SRRM5: variants seen among roughly 807,000 people sequenced by gnomAD.
SRRM5 encodes the protein serine/arginine repetitive matrix 5.
SRRM5 carries 1 observed loss-of-function variant against 1.3 expected under a neutral mutation model. The observed-to-expected ratio is 0.76, with a 90% CI of 0.27 to 3.59. The LOEUF (loss-of-function observed/expected upper bound fraction) is 3.59, where lower values mean the gene tolerates loss of function less well. SRRM5 is among the 30% of genes most tolerant of loss of function. The pLI is 0.19. For synonymous variants in SRRM5, 275 were observed against 320.2 expected (o/e 0.86, Z 1.51); for missense variants, 875 against 914.5 (o/e 0.96, Z 0.56).
At position 43,612,326 on chromosome 19, in the gene SRRM5, A is replaced by G. The variant is rs956365405; in HGVS notation, c.205A>G (p.Ser69Gly). The G allele has an allele frequency of 3.2e-6, 5 of 1,551,574 alleles. No homozygotes were observed. In the Admixed American group the frequency reaches 5.9e-5, roughly 18 times the overall value. ...CAGTTCCAAGTCCACCAAATCGACC[A>G]GTACAAAAAGAGCCCCTTCTAACCG... ...PSSSKSTKST[S>G]TKRAPSNRPS... The change falls in exon 1 of 1, where the codon AGT becomes GGT. Residue 69 changes from serine (S) to glycine (G), a missense_variant. Physicochemically the swap from Ser to Gly is moderately conservative, Grantham distance 56. Transcript: ENST00000417606. The surrounding 1 kb of genome is among the most constrained non-coding windows in gnomAD (Gnocchi z 4.2).
rs569787633 is a variant in SRRM5 at position 43,612,115 on chromosome 19, G to A, written c.-7G>A. On this transcript the variant is annotated 5_prime_UTR_variant, in exon 1 of 1. Transcript: ENST00000417606. This position sits in a 1 kb window ranked among gnomAD's most constrained non-coding sequence, Gnocchi z 4.2. ...CTTCCAGGACCACAAGCCCTTTTGC[G>A]CCCACCATGTCTTCACCTAAGAGAT... 9.2e-5 allele frequency: 142 copies of A among 1,548,866 alleles called. No homozygotes were observed. Among genetic ancestry groups the A allele is most frequent in the Non-Finnish European group, 1.2e-4 (135 of 1,144,852 alleles).
chr19:43,612,697 C>T lies in SRRM5; in HGVS notation c.576C>T (p.Ser192=), dbSNP rs1300959020. 12 of 1,551,430 alleles carry T rather than the reference C, an allele frequency of 7.7e-6. No individual in the cohort carries two copies. The highest frequency in any genetic ancestry group is 1.0e-5 in the Non-Finnish European group (12 of 1,146,992). ...ERSDSQPRNL[S]KKSYRPPGGS... Reference sequence around the variant, plus strand: ...GTGACAGCCAGCCTAGAAATCTGAGCAAGAAGAGTTACCGCCCACCAGGAG... The same window carrying T: ...GTGACAGCCAGCCTAGAAATCTGAGTAAGAAGAGTTACCGCCCACCAGGAG... The change falls in exon 1 of 1, where the codon AGC becomes AGT. Residue 192 remains serine, a synonymous_variant. Transcript: ENST00000417606. This position sits in a 1 kb window ranked among gnomAD's most constrained non-coding sequence, Gnocchi z 4.2.
Position 43,613,237 on chromosome 19 carries a change from CAA to C in SRRM5, c.1118_1119del (p.Lys373ArgfsTer8). On this transcript the variant is annotated frameshift_variant, in exon 3 of 3. Coordinates refer to the SRRM5 transcript ENST00000607544. LOFTEE classifies it low-confidence loss of function (END_TRUNC). ...GTCATAGCCATTCCAGAAGCTCCAGCAAAGAGAGAGATCACAGGGGATCTAGC... is the reference window on the plus strand; with the variant it reads ...GTCATAGCCATTCCAGAAGCTCCAGCAGAGAGAGATCACAGGGGATCTAGC... The C allele has an allele frequency of 6.4e-7, 1 of 1,551,628 alleles. No individual in the cohort carries two copies. The highest frequency in any genetic ancestry group is 1.2e-5 in the South Asian group (1 of 84,064).
In SRRM5 at chr19:43,612,276, C is replaced by G. The variant is rs552275462; in HGVS notation, c.155C>G (p.Ser52Cys). The G allele has an allele frequency of 8.4e-6, 13 of 1,551,716 alleles. No homozygotes were observed. The East Asian group carries it at 2.4e-4, about 29-fold the overall frequency. ...TTAGTGCCCACCAAACCAGCGACAT[C>G]CCGTAACTCAGTCATGAGCCCAAGC... ...RSLVPTKPAT[S>C]RNSVMSPSSS... The change falls in exon 1 of 1, where the codon TCC (serine) becomes TGC (cysteine). Residue 52 changes from serine to cysteine, a missense_variant. Transcript: ENST00000417606. This position sits in a 1 kb window ranked among gnomAD's most constrained non-coding sequence, Gnocchi z 4.2.
In SRRM5 at chr19:43,613,066, A is replaced by C; in HGVS notation, c.945A>C (p.Arg315Ser). Reference sequence around the variant, plus strand: ...GGAAGAGAAACCATAGCAGGGCAAGAAGTCGCACCCGGAAGGGAATTCTGA... The same window carrying C: ...GGAAGAGAAACCATAGCAGGGCAAGCAGTCGCACCCGGAAGGGAATTCTGA... Reference protein sequence around the residue: ...HSWKRNHSRARSRTRKGILSQ... With the variant: ...HSWKRNHSRASSRTRKGILSQ... Residue 315 changes from arginine (R) to serine (S), a missense_variant, in exon 1 of 1, where the codon AGA becomes AGC. By Grantham distance (110) the Arg-to-Ser change is moderately radical. Transcript: ENST00000417606. The C allele has an allele frequency of 1.3e-6, 2 of 1,551,622 alleles. No homozygotes were observed. The highest frequency in any genetic ancestry group is 1.7e-6 in the Non-Finnish European group (2 of 1,146,976).
In SRRM5 at chr19:43,613,548, C is replaced by G. The variant is rs1391238425; in HGVS notation, c.1427C>G (p.Ser476Cys). Reference protein sequence around the residue: ...SPNKARDRSRSRSPSKERDHS... With the variant: ...SPNKARDRSRCRSPSKERDHS... Reference sequence around the variant, plus strand: ...AACAAGGCGAGAGATCGCAGCCGATCTAGAAGCCCCAGCAAGGAAAGAGAT... The same window carrying G: ...AACAAGGCGAGAGATCGCAGCCGATGTAGAAGCCCCAGCAAGGAAAGAGAT... The change falls in exon 1 of 1, where the codon TCT (serine) becomes TGT (cysteine). Residue 476 changes from serine to cysteine, a missense_variant. Physicochemically the swap from Ser to Cys is moderately radical, Grantham distance 112 (BLOSUM62 -1). Transcript: ENST00000417606. 21 of 1,551,410 alleles carry G rather than the reference C, an allele frequency of 1.4e-5. No individual in the cohort carries two copies. The highest frequency in any genetic ancestry group is 1.8e-5 in the Non-Finnish European group (21 of 1,146,938).
chr19:43,612,924 G>T lies in SRRM5; in HGVS notation c.803G>T (p.Ser268Ile). 1 of 1,551,726 alleles carries T rather than the reference G, an allele frequency of 6.4e-7. No homozygotes were observed. The highest frequency in any genetic ancestry group is 1.7e-4 in the Middle Eastern group (1 of 5,992). Residue 268 changes from serine to isoleucine, a missense_variant, in exon 1 of 1, where the codon AGT becomes ATT. By Grantham distance (142) the Ser-to-Ile change is moderately radical (BLOSUM62 -2). Coordinates refer to ENST00000417606, the MANE Select transcript of SRRM5 (RefSeq NM_001145641.2). The surrounding 1 kb of genome is among the most constrained non-coding windows in gnomAD (Gnocchi z 4.2). ...SPTEMSSRVKSYNQASTRSRP... is the reference protein window; with the variant it reads ...SPTEMSSRVKIYNQASTRSRP... ...ACTGAAATGTCCAGCAGGGTCAAGA[G>T]TTATAACCAGGCCAGCACCCGCAGC...
At position 43,613,889 on chromosome 19, in the gene SRRM5, G is replaced by A. The variant is rs373124927; in HGVS notation, c.1768G>A (p.Glu590Lys). The A allele has an allele frequency of 1.7e-5, 27 of 1,551,656 alleles. 1 individual carries two copies. In the African/African-American group the frequency reaches 2.9e-4, roughly 17 times the overall value. The change falls in exon 1 of 1, where the codon GAG (glutamate) becomes AAG (lysine). Residue 590 changes from glutamate (E) to lysine (K), a missense_variant. Coordinates refer to ENST00000417606, the MANE Select transcript of SRRM5 (RefSeq NM_001145641.2). ...CAGACAATCTAGAAGCTCCAGCGAG[G>A]AGAGAGATCACAGCCGATCTAGAAG... is the stretch of plus-strand genomic sequence containing the variant. ...ERRQSRSSSE[E>K]RDHSRSRSPN...
chr19:43,613,704 G>T lies in SRRM5; in HGVS notation c.1583G>T (p.Ser528Ile), dbSNP rs1973336185. ...ERDHRRSRSP[S>I]KERQRRQSRS... ...GATCACAGACGATCTAGAAGCCCCA[G>T]CAAGGAGAGACAGCGCAGACAATCT... is the stretch of plus-strand genomic sequence containing the variant. Residue 528 changes from serine to isoleucine, a missense_variant, in exon 1 of 1, where the codon AGC becomes ATC. Physicochemically the swap from Ser to Ile is moderately radical, Grantham distance 142 (BLOSUM62 -2). Coordinates refer to ENST00000417606, the MANE Select transcript of SRRM5 (RefSeq NM_001145641.2). 5 of 1,549,442 alleles carry T rather than the reference G, an allele frequency of 3.2e-6. No individual in the cohort carries two copies. Among genetic ancestry groups the T allele is most frequent in the South Asian group, 1.2e-5 (1 of 83,928 alleles).
chr19:43,613,005 A>G lies in SRRM5; in HGVS notation c.884A>G (p.Gln295Arg), dbSNP rs747852465. Residue 295 changes from glutamine (Q) to arginine (R), a missense_variant, in exon 1 of 1, where the codon CAG (glutamine) becomes CGG (arginine). Gln to Arg is a conservative substitution (Grantham distance 43). Coordinates refer to ENST00000417606, the MANE Select transcript of SRRM5 (RefSeq NM_001145641.2). ...RSPRRSRSGS[Q>R]KRTHSRVRSH... ...CCCAGAAGGTCAAGAAGTGGCAGTC[A>G]GAAGAGGACGCACAGCAGAGTGAGA... is the stretch of plus-strand genomic sequence containing the variant. 6.4e-7 allele frequency: 1 copy of G among 1,551,604 alleles called. No individual in the cohort carries two copies. Among genetic ancestry groups the G allele is most frequent in the Admixed American group, 2.0e-5 (1 of 50,984 alleles).
In SRRM5 at chr19:43,613,562, A is replaced by G. The variant is rs1324977771; in HGVS notation, c.1441A>G (p.Lys481Glu). The G allele has an allele frequency of 3.9e-6, 6 of 1,551,412 alleles. No homozygotes were observed. Among genetic ancestry groups the G allele is most frequent in the East Asian group, 4.9e-5 (2 of 40,896 alleles). ...TCGCAGCCGATCTAGAAGCCCCAGC[A>G]AGGAAAGAGATCACAGCCAACTTGG... ...RDRSRSRSPS[K>E]ERDHSQLGSP... The change falls in exon 1 of 1, where the codon AAG becomes GAG. Residue 481 changes from lysine to glutamate, a missense_variant. By Grantham distance (56) the Lys-to-Glu change is moderately conservative. Coordinates refer to ENST00000417606, the MANE Select transcript of SRRM5 (RefSeq NM_001145641.2).
Position 43,612,483 on chromosome 19 carries a change from G to A in SRRM5, c.362G>A (p.Gly121Asp), listed in dbSNP as rs1191664956. Reference protein sequence around the residue: ...CHQRRGTHSRGRTPGRRGSRS... With the variant: ...CHQRRGTHSRDRTPGRRGSRS... ...CAGCGGAGGGGCACACACAGCCGGG[G>A]TAGGACACCTGGCAGAAGGGGAAGC... The change falls in exon 1 of 1, where the codon GGT (glycine) becomes GAT (aspartate). Residue 121 changes from glycine to aspartate, a missense_variant. Coordinates refer to ENST00000417606, the MANE Select transcript of SRRM5 (RefSeq NM_001145641.2). The surrounding 1 kb of genome is among the most constrained non-coding windows in gnomAD (Gnocchi z 4.2). 1 of 1,551,322 alleles carries A rather than the reference G, an allele frequency of 6.4e-7. No homozygotes were observed. Among genetic ancestry groups the A allele is most frequent in the East Asian group, 2.4e-5 (1 of 40,902 alleles).
rs755082131 is a variant in SRRM5, at chr19:43,612,410, G to A, written c.289G>A (p.Asp97Asn). 3.9e-5 allele frequency: 61 copies of A among 1,551,092 alleles called. No homozygotes were observed. The East Asian group carries it at 4.4e-4, about 11-fold the overall frequency. Residue 97 changes from aspartate to asparagine, a missense_variant, in exon 1 of 1, where the codon GAC becomes AAC. Asp to Asn is a conservative substitution (Grantham distance 23). Transcript: ENST00000417606. This position sits in a 1 kb window ranked among gnomAD's most constrained non-coding sequence, Gnocchi z 4.2. ...AAGAACACCCAGCAGGGTGAGCACC[G>A]ACACCAGGACCAGCAAAGCCAGCAA... ...KARTPSRVST[D>N]TRTSKASKAS...
exon 1 of SRRM5, chr19:43,614,495 CCCA>C (rs1435116665): frequency 2.1e-6 from 3 of 1,400,596 alleles, no homozygotes; most frequent in Non-Finnish European, 2.8e-6. Context: ...AGCACCCATC[CCCA>C]CCAAGCCCAA....
At position 43,613,895 on chromosome 19, in the gene SRRM5, G is replaced by T. The variant is rs1324599553; in HGVS notation, c.1774G>T (p.Asp592Tyr). The T allele has an allele frequency of 6.4e-7, 1 of 1,551,532 alleles. No individual in the cohort carries two copies. The highest frequency in any genetic ancestry group is 1.4e-5 in the African/African-American group (1 of 73,014). The change falls in exon 1 of 1, where the codon GAT becomes TAT. Residue 592 changes from aspartate (D) to tyrosine (Y), a missense_variant. Coordinates refer to ENST00000417606, the MANE Select transcript of SRRM5 (RefSeq NM_001145641.2). ...RQSRSSSEER[D>Y]HSRSRSPNKQ... ...ATCTAGAAGCTCCAGCGAGGAGAGA[G>T]ATCACAGCCGATCTAGAAGCCCCAA...
In SRRM5 at chr19:43,613,563, A is replaced by C; in HGVS notation, c.1442A>C (p.Lys481Thr). ...RDRSRSRSPS[K>T]ERDHSQLGSP... is the part of the protein sequence containing the mutation. Reference sequence around the variant, plus strand: ...CGCAGCCGATCTAGAAGCCCCAGCAAGGAAAGAGATCACAGCCAACTTGGA... The same window carrying C: ...CGCAGCCGATCTAGAAGCCCCAGCACGGAAAGAGATCACAGCCAACTTGGA... The change falls in exon 1 of 1, where the codon AAG becomes ACG. Residue 481 changes from lysine (K) to threonine (T), a missense_variant. Transcript: ENST00000417606. 1.9e-6 allele frequency: 3 copies of C among 1,551,652 alleles called. No homozygotes were observed. Among genetic ancestry groups the C allele is most frequent in the Non-Finnish European group, 2.6e-6 (3 of 1,146,930 alleles).
Position 43,612,474 on chromosome 19 carries a change from A to G in SRRM5, c.353A>G (p.His118Arg). The G allele has an allele frequency of 6.5e-7, 1 of 1,545,822 alleles. No homozygotes were observed. Among genetic ancestry groups the G allele is most frequent in the Non-Finnish European group, 8.8e-7 (1 of 1,142,424 alleles). ...DVRCHQRRGT[H>R]SRGRTPGRRG... ...AGATGCCACCAGCGGAGGGGCACAC[A>G]CAGCCGGGGTAGGACACCTGGCAGA... The change falls in exon 1 of 1, where the codon CAC (histidine) becomes CGC (arginine). Residue 118 changes from histidine to arginine, a missense_variant. Coordinates refer to ENST00000417606, the MANE Select transcript of SRRM5 (RefSeq NM_001145641.2). The surrounding 1 kb of genome is among the most constrained non-coding windows in gnomAD (Gnocchi z 4.2).
rs367638460 is a variant in SRRM5 at position 43,613,740 on chromosome 19, A to G, written c.1619A>G (p.Asn540Ser). 1.9e-6 allele frequency: 3 copies of G among 1,541,812 alleles called. No homozygotes were observed. The highest frequency in any genetic ancestry group is 2.9e-5 in the African/African-American group (2 of 69,562). ...ERQRRQSRSP[N>S]KERDRSQSRS... ...CAGCGCAGACAATCTAGAAGCCCCA[A>G]CAAGGAGAGAGATCGCAGCCAATCT... The change falls in exon 1 of 1, where the codon AAC becomes AGC. Residue 540 changes from asparagine to serine, a missense_variant. Coordinates refer to ENST00000417606, the MANE Select transcript of SRRM5 (RefSeq NM_001145641.2).
In SRRM5 at chr19:43,613,135, G is replaced by C; in HGVS notation, c.1014G>C (p.Gly338=). 1 of 1,551,666 alleles carries C rather than the reference G, an allele frequency of 6.4e-7. No individual in the cohort carries two copies. Among genetic ancestry groups the C allele is most frequent in the Non-Finnish European group, 8.7e-7 (1 of 1,146,990 alleles). The change falls in exon 1 of 1, where the codon GGG becomes GGC. Residue 338 remains glycine, a synonymous_variant. Coordinates refer to ENST00000417606, the MANE Select transcript of SRRM5 (RefSeq NM_001145641.2). ...RHSQSRSHSK[G]KSQNQSRTPR... is the part of the protein sequence containing the mutation. ...GCCAGTCTAGAAGCCACAGCAAGGG[G>C]AAAAGTCAAAACCAATCTAGAACCC...
Sources: allele counts gnomAD v4.1 joint callset, GRCh38; gene constraint gnomAD v4.1.1; non-coding constraint Gnocchi (gnomAD v3.1); transcripts MANE v1.5; gene names NCBI Gene and HGNC (gene_info 2026-07-23, HGNC 2026-07-21).